The following DLG2 variants were observed in gnomAD, a reference collection of about 807,000 sequenced individuals.
The protein encoded by DLG2 is disks large homolog 2.
In DLG2, 45 loss-of-function variants were observed where a neutral mutation model predicts 132.5. The ratio of observed to expected loss-of-function variants is 0.34; its 90% confidence interval spans 0.27 to 0.44. The LOEUF (loss-of-function observed/expected upper bound fraction) is 0.44, where lower values mean the gene tolerates loss of function less well. Ranked by LOEUF, DLG2 falls within the 20% of genes least tolerant of loss-of-function variation. The pLI, the probability that DLG2 is intolerant of heterozygous loss-of-function variation, is 1.00. For missense variants in DLG2, 1,045 were observed against 1,196.9 expected, an observed-to-expected ratio of 0.87 and a Z score of 1.87; for synonymous variants, 424 against 419.6, an observed-to-expected ratio of 1.01 and a Z score of -0.13.
chr11:84,343,743 T>C (rs73521744), intron 7 of DLG2, among the ~76,000 whole-genome samples: 1 of 152,282 alleles, frequency 6.6e-6, no homozygotes, highest in African/African-American at 2.4e-5. Context: ...ATAGAAAAAT[T>C]TAAGGTGAAG....
chr11:83,866,498 G>T (rs1372059561), intron 16 of DLG2, among the ~76,000 whole-genome samples: 1 of 152,072 alleles, frequency 6.6e-6, no homozygotes, highest in Non-Finnish European at 1.5e-5. Context: ...AATGTCATGG[G>T]TGAGCATATT....
intron 3 of DLG2, among the ~76,000 whole-genome samples, chr11:85,545,369 G>A (rs1454186374): frequency 1.3e-5 from 2 of 152,140 alleles, no homozygotes; most frequent in African/African-American, 4.8e-5. Context: ...GCTTTTTGAT[G>A]TGTTGCTGGA....
chr11:85,551,079 G>C (rs568363506), intron 3 of DLG2, among the ~76,000 whole-genome samples: 1 of 152,318 alleles, frequency 6.6e-6, no homozygotes, highest in East Asian at 1.9e-4. Context: ...ATGAGGTAAA[G>C]GAGGAAGTGA....
intron 4 of DLG2, among the ~76,000 whole-genome samples, chr11:85,269,136 C>T (rs1565242382): frequency 6.6e-6 from 1 of 152,198 alleles, no homozygotes; most frequent in Admixed American, 6.5e-5. Context: ...TTCAAGCCCA[C>T]AATTTCTTTA....
intron 6 of DLG2, among the ~76,000 whole-genome samples, chr11:84,938,726 C>A (rs2049035664): frequency 6.6e-6 from 1 of 152,172 alleles, no homozygotes; most frequent in Non-Finnish European, 1.5e-5. Context: ...TTCCCCAAAG[C>A]CAGCAACCAT....
intron 22 of DLG2, among the ~76,000 whole-genome samples, chr11:83,475,916 A>G (rs1444482840): frequency 6.6e-6 from 1 of 152,068 alleles, no homozygotes; most frequent in East Asian, 1.9e-4. Flanking sequence ...TGAAAGTGGG[A>G]GAGCAGCACA....
chr11:84,327,068 T>A (rs2098436184), intron 7 of DLG2, among the ~76,000 whole-genome samples: 1 of 151,862 alleles, frequency 6.6e-6, no homozygotes, highest in South Asian at 2.1e-4. Flanking sequence ...CCAATGTATG[T>A]CACTAAGTTA....
chr11:84,927,643 AT>A (rs1353197640), intron 6 of DLG2, among the ~76,000 whole-genome samples: 1 of 152,064 alleles, frequency 6.6e-6, no homozygotes, highest in Non-Finnish European at 1.5e-5. Context: ...TTAAACAGAC[AT>A]TACATAGTGT....
intron 3 of DLG2, among the ~76,000 whole-genome samples, chr11:85,425,668 T>C (rs1361465146): frequency 2.0e-5 from 3 of 152,056 alleles, no homozygotes; most frequent in African/African-American, 4.8e-5. Flanking sequence ...GGAGGCAAGA[T>C]GGCCAAATAG....
intron 4 of DLG2, among the ~76,000 whole-genome samples, chr11:85,199,164 T>G (rs542382960): frequency 6.6e-6 from 1 of 152,314 alleles, no homozygotes; most frequent in African/African-American, 2.4e-5. Flanking sequence ...GAATAACTCT[T>G]CAATAGATCA....
chr11:84,310,860 CAAGTTGCTGCAAACTGCTGGTTCTG>C (rs1298757048), intron 7 of DLG2, among the ~76,000 whole-genome samples: 3 of 152,198 alleles, frequency 2.0e-5, no homozygotes, highest in Admixed American at 6.5e-5. Flanking sequence ...CCTCCGCACT[CAAGTTGCTGCAAACTGCTGGTTCTG>C]GAGTTGCTGC....
rs552440003 is a variant in DLG2 at position 84,478,855 on chromosome 11, C to T, written c.519+55715G>A. On this transcript the variant is annotated intron_variant, in intron 7 of 27. Transcript: ENST00000376104. ...TGAATCCCAAAACTAGAATCTTTGA[C>T]GTATAAAAGATGATTTGTGTAAGGC... 4.6e-4 allele frequency among the ~76,000 whole-genome samples: 70 copies of T among 152,040 alleles called. 1 individual carries two copies. The South Asian group carries it at 0.011, about 24-fold the overall frequency.
At chr11:83,890,381 C>T (rs532929997) in intron 15 of DLG2, among the ~76,000 whole-genome samples, 1 of 152,058 alleles carries the variant, frequency 6.6e-6, no homozygotes, top group Admixed American at 6.5e-5. Context: ...TGGTCTTTCC[C>T]CCATGCTCAT....
intron 6 of DLG2, among the ~76,000 whole-genome samples, chr11:84,758,449 A>AT (rs1023813325): frequency 6.6e-5 from 10 of 152,232 alleles, no homozygotes; most frequent in Admixed American, 2.6e-4. Flanking sequence ...ATTAAATAAA[A>AT]TATTACATCA....
chr11:83,560,118 CTT>C (rs66687028), intron 19 of DLG2, among the ~76,000 whole-genome samples: 1 of 143,666 alleles, frequency 7.0e-6, no homozygotes, highest in African/African-American at 2.5e-5. Flanking sequence ...CTGAACTTTG[CTT>C]TTTTTTTTTT....
chr11:84,355,854 C>T (rs992611091), intron 7 of DLG2, among the ~76,000 whole-genome samples: 1 of 152,020 alleles, frequency 6.6e-6, no homozygotes, highest in Non-Finnish European at 1.5e-5. Flanking sequence ...CCTGATTTTC[C>T]CAGCATCTTG....
chr11:84,194,341 G>A (rs980874401), intron 8 of DLG2, among the ~76,000 whole-genome samples: 15 of 152,228 alleles, frequency 9.9e-5, no homozygotes, highest in East Asian at 5.8e-4. Context: ...AGATGTGCCC[G>A]GAGTTTCTTT....
At chr11:84,167,436 T>A (rs1322565051) in intron 8 of DLG2, among the ~76,000 whole-genome samples, 1 of 152,170 alleles carries the variant, frequency 6.6e-6, no homozygotes, top group East Asian at 1.9e-4. Context: ...ATGGCCTTTT[T>A]TCTACTTCAA....
intron 9 of DLG2, among the ~76,000 whole-genome samples, chr11:84,128,229 A>T (rs573946550): frequency 6.6e-6 from 1 of 152,292 alleles, no homozygotes; most frequent in South Asian, 2.1e-4. Context: ...GACTCAGATT[A>T]AAGGCCTTTT....
Sources: gnomAD v4.1 joint callset for allele counts (sites outside exome capture counted in the v4.1 genomes callset) on GRCh38, gnomAD v4.1.1 for gene constraint, MANE v1.5 for transcripts, NCBI Gene and HGNC (gene_info 2026-07-23, HGNC 2026-07-21) for gene names.